MORN1: variants seen among roughly 807,000 people sequenced by gnomAD.
MORN1 encodes MORN repeat-containing protein 1.
Under a neutral mutation model 61.9 loss-of-function variants are expected in MORN1, and 67 were observed. The ratio of observed to expected loss-of-function variants is 1.08; its 90% confidence interval spans 0.89 to 1.33. MORN1 has a LOEUF of 1.33. Among genes scored for constraint, MORN1 ranks in the 40% most tolerant of loss-of-function variants. The pLI, the probability that MORN1 is intolerant of heterozygous loss-of-function variation, is 0.00. For missense variants in MORN1, 752 were observed against 691.2 expected (o/e 1.09, Z -0.99); for synonymous variants, 301 against 292.0 (o/e 1.03, Z -0.31).
At chr1:2,330,691 G>A (rs779167664) in intron 12 of MORN1, among the ~76,000 whole-genome samples, 5 of 152,232 alleles carry the variant, frequency 3.3e-5, no homozygotes, top group Non-Finnish European at 5.9e-5. Flanking sequence ...CTTGGATGCC[G>A]ACAGCCACCA....
chr1:2,388,490 A>G, intron 2 of MORN1, 153 bp from the exon 3 acceptor site: 1 of 585,260 alleles, frequency 1.7e-6, no homozygotes, highest in South Asian at 2.2e-5. Flanking sequence ...ATTTAAAAAT[A>G]AAAAAATGTT....
chr1:2,362,328 G>C (rs1641907594), intron 8 of MORN1, among the ~76,000 whole-genome samples: 1 of 152,228 alleles, frequency 6.6e-6, no homozygotes, highest in Non-Finnish European at 1.5e-5. Context: ...CTGAGGAGGA[G>C]GAGGAAGAAG....
intron 5 of MORN1, chr1:2,385,555 G>GGT: frequency 2.9e-6 from 1 of 346,900 alleles, no homozygotes; most frequent in Non-Finnish European, 5.3e-6. Flanking sequence ...TAATCGGGGG[G>GGT]GGGGGGGATG....
intron 10 of MORN1, among the ~76,000 whole-genome samples, chr1:2,345,312 C>T (rs1641489298): frequency 6.6e-6 from 1 of 152,262 alleles, no homozygotes. Flanking sequence ...ACACCTGCCA[C>T]CTACCACCCG....
chr1:2,321,678 G>A, intron 13 of MORN1, 99 bp from the exon 14 acceptor site: 1 of 1,374,740 alleles, frequency 7.3e-7, no homozygotes, highest in Non-Finnish European at 9.5e-7. Flanking sequence ...GCTGGCCCCT[G>A]TGCCCCCGAC....
intron 8 of MORN1, among the ~76,000 whole-genome samples, chr1:2,362,093 G>A (rs1217945709): frequency 3.3e-5 from 5 of 152,034 alleles, no homozygotes; most frequent in Non-Finnish European, 7.4e-5. Flanking sequence ...TCAGCCGGGC[G>A]TGGTGGCGGG....
intron 12 of MORN1, 117 bp from the exon 13 acceptor site, chr1:2,324,260 A>T: frequency 9.1e-7 from 1 of 1,093,228 alleles, no homozygotes; most frequent in Non-Finnish European, 1.3e-6. Context: ...CCAGCACAGC[A>T]GAGGCCTGCG....
intron 12 of MORN1, among the ~76,000 whole-genome samples, chr1:2,327,118 A>T (rs1046912413): frequency 6.6e-6 from 1 of 151,164 alleles, no homozygotes; most frequent in Non-Finnish European, 1.5e-5. Flanking sequence ...ACACAGAAAC[A>T]CAGAAACAAA....
At chr1:2,355,212 T>C in intron 10 of MORN1, 1 of 1,320,010 alleles carries the variant, frequency 7.6e-7, no homozygotes, top group African/African-American at 1.5e-5. Flanking sequence ...TGAGAGCTAT[T>C]CCACCTATGC....
intron 12 of MORN1, among the ~76,000 whole-genome samples, chr1:2,327,400 A>C (rs753391861): frequency 6.6e-6 from 1 of 152,222 alleles, no homozygotes; most frequent in Non-Finnish European, 1.5e-5. Flanking sequence ...AGAAACACAG[A>C]AACAAACACA....
At chr1:2,384,427 G>A (rs1348455939) in intron 6 of MORN1, among the ~76,000 whole-genome samples, 1 of 152,206 alleles carries the variant, frequency 6.6e-6, no homozygotes, top group Non-Finnish European at 1.5e-5. Context: ...CCCCAAATCT[G>A]CCTCTTTGGC....
At position 2,374,452 on chromosome 1, in the gene MORN1, G is replaced by A. The variant is rs1237733213; in HGVS notation, c.634+9C>T. ...CTCACAGTGCCCACAGGAAGGCAGG[G>A]ACACCTACCTGCTGGGTGGCCATTG... On this transcript the variant is annotated intron_variant, in intron 7 of 13. Transcript: ENST00000378531. The A allele has an allele frequency of 1.3e-6, 2 of 1,574,632 alleles. No individual in the cohort carries two copies. Among genetic ancestry groups the A allele is most frequent in the Middle Eastern group, 1.7e-4 (1 of 6,008 alleles).
intron 10 of MORN1, among the ~76,000 whole-genome samples, chr1:2,338,898 G>A (rs944784703): frequency 1.3e-5 from 2 of 152,124 alleles, no homozygotes; most frequent in African/African-American, 4.8e-5. Flanking sequence ...CTGATCAGCA[G>A]CCGAGGCTCA....
chr1:2,365,154 T>G (rs1051058549), intron 8 of MORN1, among the ~76,000 whole-genome samples: 22 of 150,500 alleles, frequency 1.5e-4, no homozygotes, highest in African/African-American at 5.1e-4. Context: ...CCTTGGGCAG[T>G]ATGGCCATTT....
intron 8 of MORN1, among the ~76,000 whole-genome samples, chr1:2,359,549 T>A (rs989032296): frequency 6.6e-6 from 1 of 151,714 alleles, no homozygotes; most frequent in Non-Finnish European, 1.5e-5. Context: ...TTGGGCACCG[T>A]GGGTGGAGGC....
At chr1:2,338,274 A>G (rs954734343) in intron 10 of MORN1, among the ~76,000 whole-genome samples, 1 of 152,212 alleles carries the variant, frequency 6.6e-6, no homozygotes, top group Non-Finnish European at 1.5e-5. Flanking sequence ...ATGGTGCATT[A>G]TAGAGAGAAA....
intron 8 of MORN1, among the ~76,000 whole-genome samples, chr1:2,368,212 T>C (rs2840538): frequency 0.83 from 126,942 of 152,254 alleles, 53,283 homozygotes; most frequent in African/African-American, 0.92. Context: ...AGGTGAGCTC[T>C]ACAGCAGGGC....
intron 13 of MORN1, chr1:2,322,830 A>G: frequency 1.0e-6 from 1 of 984,920 alleles, no homozygotes; most frequent in Non-Finnish European, 1.2e-6. Context: ...ATCTGACCCC[A>G]CTCCTGAGGC....
intron 6 of MORN1, chr1:2,379,232 T>C (rs1295866465): frequency 8.8e-6 from 4 of 453,374 alleles, no homozygotes; most frequent in South Asian, 1.6e-5. Flanking sequence ...TCAGAGCTGA[T>C]GTAGGAGGTG....
Sources: gnomAD v4.1 joint callset for allele counts (sites outside exome capture counted in the v4.1 genomes callset) on GRCh38, gnomAD v4.1.1 for gene constraint, MANE v1.5 for transcripts, NCBI Gene and HGNC (gene_info 2026-07-23, HGNC 2026-07-21) for gene names.